The following CNTNAP2 variants were observed in gnomAD, a reference collection of about 807,000 sequenced individuals.
CNTNAP2 encodes the protein contactin-associated protein-like 2.
CNTNAP2 carries 98 observed loss-of-function variants against 155.2 expected under a neutral mutation model. The observed-to-expected ratio is 0.63, with a 90% CI of 0.54 to 0.75. The LOEUF is 0.75. Ranked by LOEUF, CNTNAP2 falls within the 30% of genes least tolerant of loss-of-function variation. The pLI, the probability that CNTNAP2 is intolerant of heterozygous loss-of-function variation, is 0.00. For missense variants in CNTNAP2, 1,727 were observed against 1,688.1 expected (o/e 1.02, Z -0.40); for synonymous variants, 651 against 631.2 (o/e 1.03, Z -0.47).
chr7:146,222,573 T>C (rs933932261), intron 1 of CNTNAP2, among the ~76,000 whole-genome samples: 49 of 138,714 alleles, frequency 3.5e-4, no homozygotes, highest in Middle Eastern at 3.8e-3. Context: ...TGTGTGTGTG[T>C]GTGCGTGCAC....
intron 15 of CNTNAP2, among the ~76,000 whole-genome samples, chr7:148,038,863 GAT>G (rs1802619036): frequency 2.0e-5 from 3 of 152,122 alleles, no homozygotes; most frequent in East Asian, 3.9e-4. Context: ...TGGATGGATG[GAT>G]GGATGGATAG....
At chr7:147,980,320 A>G (rs1015028291) in intron 15 of CNTNAP2, among the ~76,000 whole-genome samples, 2 of 152,326 alleles carry the variant, frequency 1.3e-5, no homozygotes, top group South Asian at 4.1e-4. Flanking sequence ...TTGCATTTCT[A>G]TTCTAGGGCT....
intron 18 of CNTNAP2, among the ~76,000 whole-genome samples, chr7:148,205,534 G>T (rs1795435961): frequency 6.6e-6 from 1 of 152,194 alleles, no homozygotes; most frequent in Admixed American, 6.5e-5. Flanking sequence ...GAAATTAAGA[G>T]CATTCGTTAA....
At chr7:148,121,325 G>A (rs923799804) in intron 16 of CNTNAP2, among the ~76,000 whole-genome samples, 6 of 152,148 alleles carry the variant, frequency 3.9e-5, no homozygotes, top group South Asian at 2.1e-4. Context: ...GAGCCACCAC[G>A]CCTGGCCGCT....
In CNTNAP2 at chr7:146,451,847, C is replaced by T. The variant is rs867677890; in HGVS notation, c.98-322424C>T. Among the ~76,000 whole-genome samples, 749 of 83,062 alleles carry T rather than the reference C, an allele frequency of 9.0e-3. 6 individuals carry two copies. Among genetic ancestry groups the T allele is most frequent in the African/African-American group, 0.013 (364 of 27,076 alleles). The allele number at this position is 83,062 out of a possible 152,430, so 54.5% of individuals were successfully genotyped here. A position where few individuals can be genotyped will look rare whatever the true frequency, so the allele number is the denominator to read the frequency against. ...ACGTATATATATACATATATATATA[C>T]ACGTATTCTATATATATATATACGT... On this transcript the variant is annotated intron_variant, in intron 1 of 23. Transcript: ENST00000361727.
intron 21 of CNTNAP2, among the ~76,000 whole-genome samples, chr7:148,309,394 C>A (rs769773353): frequency 9.2e-5 from 14 of 152,174 alleles, no homozygotes; most frequent in Non-Finnish European, 8.8e-5. Context: ...TGAACCAAAG[C>A]CTTCAGTCGA....
intron 10 of CNTNAP2, among the ~76,000 whole-genome samples, chr7:147,466,575 G>A (rs1221165560): frequency 6.6e-6 from 1 of 152,134 alleles, no homozygotes; most frequent in Non-Finnish European, 1.5e-5. Context: ...GACTGCCACT[G>A]AGGCCTTCAT....
At chr7:146,204,874 A>C (rs1798922401) in intron 1 of CNTNAP2, among the ~76,000 whole-genome samples, 1 of 152,010 alleles carries the variant, frequency 6.6e-6, no homozygotes, top group Non-Finnish European at 1.5e-5. Flanking sequence ...GGAGTGCCAT[A>C]TTTTCAAATT....
intron 20 of CNTNAP2, among the ~76,000 whole-genome samples, chr7:148,244,152 T>C (rs1355907125): frequency 1.3e-5 from 2 of 152,216 alleles, no homozygotes; most frequent in Non-Finnish European, 1.5e-5. Context: ...TTAAGGAATA[T>C]AGTGACTTAG....
chr7:147,174,446 T>C (rs73156403), intron 8 of CNTNAP2, among the ~76,000 whole-genome samples: 2,438 of 152,268 alleles, frequency 0.016, 27 homozygotes, highest in South Asian at 0.042. Context: ...TACTACTCCA[T>C]TGCAAATATT....
chr7:147,944,678 G>T (rs892524554), intron 14 of CNTNAP2, among the ~76,000 whole-genome samples: 2 of 152,170 alleles, frequency 1.3e-5, no homozygotes, highest in African/African-American at 4.8e-5. Flanking sequence ...AATGTGCTTG[G>T]AATTTTCCTT....
intron 1 of CNTNAP2, among the ~76,000 whole-genome samples, chr7:146,752,705 C>T (rs1449510499): frequency 6.6e-6 from 1 of 152,126 alleles, no homozygotes; most frequent in African/African-American, 2.4e-5. Flanking sequence ...TGCCTATAAC[C>T]TGAATGGTAA....
chr7:147,812,021 G>A (rs1183871754), intron 13 of CNTNAP2, among the ~76,000 whole-genome samples: 1 of 152,132 alleles, frequency 6.6e-6, no homozygotes, highest in Non-Finnish European at 1.5e-5. Context: ...CAATGTTAGG[G>A]GCGAAGGAGC....
In CNTNAP2 at chr7:147,979,050, G is replaced by A. The variant is rs79910252; in HGVS notation, c.2383+1061G>A. Among the ~76,000 whole-genome samples, 328 of 152,192 alleles carry A rather than the reference G, an allele frequency of 2.2e-3. 1 individual carries two copies. The highest frequency in any genetic ancestry group is 3.4e-3 in the Non-Finnish European group (233 of 68,006). Reference sequence around the variant, plus strand: ...GACCTACTTGATAATAAATTATAGCGTCCACTCAAAGAGATGTCCTAAGGA... The same window carrying A: ...GACCTACTTGATAATAAATTATAGCATCCACTCAAAGAGATGTCCTAAGGA... On this transcript the variant is annotated intron_variant, in intron 15 of 23. Coordinates refer to ENST00000361727, the MANE Select transcript of CNTNAP2 (RefSeq NM_014141.6).
intron 22 of CNTNAP2, 81 bp downstream of exon 22, chr7:148,383,969 A>G: frequency 6.6e-7 from 1 of 1,524,690 alleles, no homozygotes; most frequent in South Asian, 1.2e-5. Context: ...GGATTTAATA[A>G]CAGAACCTCA....
chr7:146,939,298 A>G (rs1389048763), intron 3 of CNTNAP2, among the ~76,000 whole-genome samples: 1 of 152,162 alleles, frequency 6.6e-6, no homozygotes, highest in Admixed American at 6.5e-5. Context: ...CTCATTTTCC[A>G]TTTGGGGAAT....
intron 1 of CNTNAP2, among the ~76,000 whole-genome samples, chr7:146,487,730 AAC>A (rs1797077840): frequency 6.6e-6 from 1 of 152,214 alleles, no homozygotes; most frequent in South Asian, 2.1e-4. Context: ...ATACTGTACT[AAC>A]ACAGGTAATG....
chr7:146,759,367 T>C (rs1802046093), intron 1 of CNTNAP2, among the ~76,000 whole-genome samples: 1 of 151,888 alleles, frequency 6.6e-6, no homozygotes, highest in Non-Finnish European at 1.5e-5. Flanking sequence ...GACAGAGACA[T>C]TAGAAAGGGG....
intron 1 of CNTNAP2, among the ~76,000 whole-genome samples, chr7:146,531,181 A>C (rs894662296): frequency 1.3e-5 from 2 of 152,284 alleles, no homozygotes; most frequent in Non-Finnish European, 2.9e-5. Flanking sequence ...AGTACATATG[A>C]GCACAAAAAA....
Sources: allele counts gnomAD v4.1 joint callset (sites outside exome capture counted in the v4.1 genomes callset), GRCh38; gene constraint gnomAD v4.1.1; transcripts MANE v1.5; gene names NCBI Gene and HGNC (gene_info 2026-07-23, HGNC 2026-07-21).